The following DDX46 variants were observed in gnomAD, a reference collection of about 807,000 sequenced individuals.
The protein encoded by DDX46 is DEAD-box helicase 46, also known as probable ATP-dependent RNA helicase DDX46.
DDX46 carries 30 observed loss-of-function variants against 134.9 expected under a neutral mutation model. That is an observed-to-expected ratio of 0.22 (90% CI 0.17 to 0.30). DDX46 has a LOEUF of 0.30. Ranked by LOEUF, DDX46 falls within the 10% of genes least tolerant of loss-of-function variation. The pLI is 1.00. For missense variants in DDX46, 622 were observed against 1,248.7 expected (o/e 0.50, Z 7.56); for synonymous variants, 415 against 404.1 (o/e 1.03, Z -0.32).
intron 6 of DDX46, among the ~76,000 whole-genome samples, chr5:134,780,138 G>A (rs200573944): frequency 2.0e-4 from 28 of 142,426 alleles, no homozygotes; most frequent in East Asian, 6.4e-4. Flanking sequence ...GTGTGTGTGT[G>A]TATATGTATA....
chr5:134,781,299 T>C (rs1217381929), intron 7 of DDX46, 53 bp downstream of exon 7: 5 of 1,358,706 alleles, frequency 3.7e-6, no homozygotes, highest in Non-Finnish European at 5.1e-6. Flanking sequence ...GAAGCATTTA[T>C]TAGAAAGCAT....
At chr5:134,768,824 G>A (rs1445843119) in intron 3 of DDX46, among the ~76,000 whole-genome samples, 2 of 152,106 alleles carry the variant, frequency 1.3e-5, no homozygotes, top group Non-Finnish European at 2.9e-5. Flanking sequence ...ACTTTGGGAG[G>A]CCGAGGTGGA....
chr5:134,778,548 A>G (rs1754021920), intron 6 of DDX46, among the ~76,000 whole-genome samples: 2 of 151,974 alleles, frequency 1.3e-5, no homozygotes, highest in Admixed American at 6.6e-5. Context: ...AATACCATTT[A>G]GTAGTATTTT....
rs868154054 is a variant in DDX46 at position 134,811,309 on chromosome 5, C to T, written c.2237C>T (p.Pro746Leu). The change falls in exon 17 of 23, where the codon CCT (proline) becomes CTT (leucine). Residue 746 changes from proline to leucine, a missense_variant. This residue lies in a region of DDX46 where 209 missense variants were observed against 508.4 expected (regional missense o/e 0.41). Coordinates refer to ENST00000452510, the MANE Select transcript of DDX46 (RefSeq NM_001300860.2). ...CTTGAATTGTCAGGGACTGCAGTAC[C>T]TCCTGATTTAGAGAAACTGTGGAGT... ...KALELSGTAV[P>L]PDLEKLWSDF... is the part of the protein sequence containing the mutation. 2 of 1,614,044 alleles carry T rather than the reference C, an allele frequency of 1.2e-6. No homozygotes were observed. The highest frequency in any genetic ancestry group is 1.7e-6 in the Non-Finnish European group (2 of 1,179,978).
At chr5:134,762,758 A>T (rs2150127634) in intron 1 of DDX46, among the ~76,000 whole-genome samples, 1 of 151,536 alleles carries the variant, frequency 6.6e-6, no homozygotes, top group East Asian at 1.9e-4. Context: ...AAATAAAATA[A>T]AAATAATTAG....
chr5:134,768,064 A>C (rs577849436), intron 3 of DDX46, among the ~76,000 whole-genome samples: 2 of 152,022 alleles, frequency 1.3e-5, no homozygotes, highest in Non-Finnish European at 2.9e-5. Context: ...ATCCATACAC[A>C]TGGTAATTTG....
At chr5:134,759,875 A>T (rs761508049) in intron 1 of DDX46, among the ~76,000 whole-genome samples, 8 of 152,206 alleles carry the variant, frequency 5.3e-5, no homozygotes, top group Non-Finnish European at 7.3e-5. Context: ...GGTGTTTTAA[A>T]TCTCCGGAAG....
At chr5:134,824,918 C>A (rs1755550466) in intron 21 of DDX46, among the ~76,000 whole-genome samples, 1 of 152,202 alleles carries the variant, frequency 6.6e-6, no homozygotes, top group Non-Finnish European at 1.5e-5. Flanking sequence ...CCTAGTCAGC[C>A]TGTATAATTT....
At chr5:134,826,302 A>G (rs1351236906) in intron 21 of DDX46, 3 of 152,188 alleles carry the variant, frequency 2.0e-5, no homozygotes, top group Admixed American at 2.0e-4. Flanking sequence ...TATGAAATTG[A>G]TAACTGTGAA....
chr5:134,763,825 T>G (rs1282652365), intron 1 of DDX46, 79 bp from the exon 2 acceptor site: 1 of 1,452,638 alleles, frequency 6.9e-7, no homozygotes, highest in Non-Finnish European at 9.2e-7. Flanking sequence ...CTGCTGAAAT[T>G]ATTTTTAGAA....
chr5:134,808,073 G>T, intron 16 of DDX46, 132 bp downstream of exon 16: 1 of 831,644 alleles, frequency 1.2e-6, no homozygotes. Flanking sequence ...GTGAAGAGTG[G>T]TTGATGTTAA....
chr5:134,816,029 C>A (rs1383554283), intron 18 of DDX46, among the ~76,000 whole-genome samples: 2 of 151,500 alleles, frequency 1.3e-5, no homozygotes, highest in African/African-American at 4.8e-5. Flanking sequence ...TTCTTCCAGC[C>A]TGTTTCATTG....
intron 14 of DDX46, 152 bp downstream of exon 14, chr5:134,795,166 C>T (rs924017997): frequency 4.8e-6 from 4 of 827,616 alleles, no homozygotes; most frequent in Middle Eastern, 3.8e-4. Context: ...ACCAGATAAA[C>T]TTAACTGTGC....
chr5:134,798,351 A>G (rs1185041786), intron 15 of DDX46, among the ~76,000 whole-genome samples: 1 of 151,928 alleles, frequency 6.6e-6, no homozygotes, highest in African/African-American at 2.4e-5. Context: ...GGTGCATGCC[A>G]CCATGCCTGA....
intron 11 of DDX46, among the ~76,000 whole-genome samples, 177 bp from the exon 12 acceptor site, chr5:134,788,336 T>G (rs188251391): frequency 4.6e-4 from 70 of 152,286 alleles, no homozygotes; most frequent in Non-Finnish European, 6.8e-4. Flanking sequence ...TGTTTCAAAT[T>G]TATGGCACTA....
At chr5:134,799,611 G>A (rs977424709) in intron 15 of DDX46, among the ~76,000 whole-genome samples, 8 of 152,004 alleles carry the variant, frequency 5.3e-5, no homozygotes, top group African/African-American at 1.7e-4. Context: ...GGTGGCAGGT[G>A]CCTGTAATCC....
intron 6 of DDX46, 123 bp downstream of exon 6, chr5:134,777,848 G>A (rs950037421): frequency 1.6e-5 from 19 of 1,181,554 alleles, no homozygotes; most frequent in Non-Finnish European, 2.2e-5. Flanking sequence ...CCTCATCTGA[G>A]AGATGGCAGT....
intron 9 of DDX46, among the ~76,000 whole-genome samples, 170 bp downstream of exon 9, chr5:134,783,235 GGTTTTTTTTT>G (rs1754211436): frequency 6.6e-6 from 1 of 151,588 alleles, no homozygotes; most frequent in Admixed American, 6.6e-5. Context: ...TTATACAACT[GGTTTTTTTTT>G]GTTTTGTTTT....
At chr5:134,771,265 T>C (rs1294823929) in intron 4 of DDX46, among the ~76,000 whole-genome samples, 1 of 151,570 alleles carries the variant, frequency 6.6e-6, no homozygotes, top group African/African-American at 2.4e-5. Context: ...CAGCTAATTT[T>C]TGTATTTTTA....
Sources: gnomAD v4.1 joint callset for allele counts (sites outside exome capture counted in the v4.1 genomes callset) on GRCh38, gnomAD v4.1.1 for gene constraint, gnomAD v4.1.1 regional missense constraint, MANE v1.5 for transcripts, NCBI Gene and HGNC (gene_info 2026-07-23, HGNC 2026-07-21) for gene names.